Variants in TRAPPC9 observed in about 807,000 individuals in gnomAD.
TRAPPC9 encodes the protein trafficking protein particle complex subunit 9, also known as IKK2 binding protein.
TRAPPC9 carries 83 observed loss-of-function variants against 124.0 expected under a neutral mutation model. The observed-to-expected ratio is 0.67, with a 90% confidence interval of 0.56 to 0.80. The LOEUF (loss-of-function observed/expected upper bound fraction) is 0.80. Among genes scored for constraint, TRAPPC9 ranks in the 30% least tolerant of loss-of-function variants. The pLI is 0.00. For synonymous variants in TRAPPC9, 638 were observed against 617.5 expected, an observed-to-expected ratio of 1.03 and a Z score of -0.49; for missense variants, 1,302 against 1,508.3, an observed-to-expected ratio of 0.86 and a Z score of 2.27.
chr8:139,929,936 C>A (rs543143455), intron 19 of TRAPPC9, among the ~76,000 whole-genome samples: 9 of 152,366 alleles, frequency 5.9e-5, no homozygotes, highest in African/African-American at 1.9e-4. Context: ...ATGGAGCAAG[C>A]ACCACCTTGT....
intron 13 of TRAPPC9, among the ~76,000 whole-genome samples, chr8:140,285,086 G>A (rs1156455736): frequency 1.3e-5 from 2 of 152,130 alleles, no homozygotes; most frequent in African/African-American, 2.4e-5. Flanking sequence ...AAAAGTCTGA[G>A]GACAAATAGC....
At chr8:140,408,305 G>T (rs1391724342) in intron 5 of TRAPPC9, among the ~76,000 whole-genome samples, 1 of 152,040 alleles carries the variant, frequency 6.6e-6, no homozygotes, top group East Asian at 1.9e-4. Context: ...GTTGAAAAAG[G>T]CACCACCAAA....
intron 21 of TRAPPC9, among the ~76,000 whole-genome samples, chr8:139,824,214 G>T (rs527257915): frequency 2.0e-5 from 3 of 152,328 alleles, no homozygotes; most frequent in South Asian, 4.1e-4. Context: ...AGCCCTGAGC[G>T]GTGTGTGTAC....
At chr8:140,396,362 C>G (rs2069096976) in intron 7 of TRAPPC9, among the ~76,000 whole-genome samples, 1 of 151,932 alleles carries the variant, frequency 6.6e-6, no homozygotes, top group South Asian at 2.1e-4. Flanking sequence ...AGGATGGTCT[C>G]GATCTCCTGA....
rs745885239 is a variant in TRAPPC9 at position 140,151,162 on chromosome 8, G to C, written c.2556+70297C>G. On this transcript the variant is annotated intron_variant, in intron 17 of 22. Transcript: ENST00000438773. The stretch of plus-strand genomic sequence containing the variant: ...TCTGACACCCCTACTTCTCCTCAAG[G>C]GGGGCCAGGAGCACAACTCAGCGCT... Among the ~76,000 whole-genome samples, 6 of 152,118 alleles carry C rather than the reference G, an allele frequency of 3.9e-5. No homozygotes were observed. In the South Asian group the frequency reaches 8.3e-4, roughly 21 times the overall value.
intron 11 of TRAPPC9, among the ~76,000 whole-genome samples, chr8:140,291,761 G>A (rs2065667699): frequency 6.6e-6 from 1 of 152,262 alleles, no homozygotes; most frequent in African/African-American, 2.4e-5. Flanking sequence ...CTAATCAGGT[G>A]AGACCGCACA....
chr8:140,371,082 G>T lies in TRAPPC9; in HGVS notation c.1233C>A (p.Ala411=). The T allele has an allele frequency of 6.2e-7, 1 of 1,614,226 alleles. No individual in the cohort carries two copies. Among genetic ancestry groups the T allele is most frequent in the Non-Finnish European group, 8.5e-7 (1 of 1,180,050 alleles). Residue 411 remains alanine, a synonymous_variant, in exon 8 of 23, where the codon GCC becomes GCA. Transcript: ENST00000438773. ...TGCTTGGGGCCACGCACTGCATGGC[G>T]GCCACGCGCTTGAAGAACGCAGACT... ...HRKSAFFKRV[A]AMQCVAPSIA...
At chr8:139,975,752 C>G (rs946776732) in intron 19 of TRAPPC9, among the ~76,000 whole-genome samples, 1 of 152,080 alleles carries the variant, frequency 6.6e-6, no homozygotes, top group African/African-American at 2.4e-5. Flanking sequence ...CCCACTCAAG[C>G]TGCCCTGGCT....
intron 14 of TRAPPC9, among the ~76,000 whole-genome samples, chr8:140,279,792 C>G (rs2065249198): frequency 6.6e-6 from 1 of 152,234 alleles, no homozygotes; most frequent in Admixed American, 6.5e-5. Context: ...CAAAGAGAAG[C>G]AGCTAGAGGA....
intron 17 of TRAPPC9, among the ~76,000 whole-genome samples, chr8:140,153,483 A>G (rs1402445778): frequency 2.0e-5 from 3 of 152,052 alleles, no homozygotes; most frequent in African/African-American, 4.8e-5. Context: ...CTCTGTGCAC[A>G]TGTGTATCAT....
At chr8:140,196,484 CTA>C (rs1233253590) in intron 17 of TRAPPC9, among the ~76,000 whole-genome samples, 3 of 45,324 alleles carry the variant, frequency 6.6e-5, no homozygotes, top group Admixed American at 3.0e-4. Context: ...ACCTGTGACA[CTA>C]AAACACACTC....
intron 21 of TRAPPC9, among the ~76,000 whole-genome samples, chr8:139,738,292 G>A (rs1270656245): frequency 6.6e-6 from 1 of 152,230 alleles, no homozygotes; most frequent in Non-Finnish European, 1.5e-5. Context: ...TGAATCCCCA[G>A]GACTTCCTTC....
At chr8:139,945,262 C>T (rs1354979955) in intron 19 of TRAPPC9, among the ~76,000 whole-genome samples, 1 of 152,030 alleles carries the variant, frequency 6.6e-6, no homozygotes, top group Non-Finnish European at 1.5e-5. Context: ...CAAAAGGCAT[C>T]CTTTGCAAAT....
chr8:139,965,700 T>C (rs141698559), intron 19 of TRAPPC9, among the ~76,000 whole-genome samples: 74 of 59,726 alleles, frequency 1.2e-3, no homozygotes, highest in Admixed American at 4.9e-3. Context: ...TCCAGAGACA[T>C]ACCCTAGTGC....
intron 17 of TRAPPC9, among the ~76,000 whole-genome samples, chr8:140,219,650 C>T (rs1265186094): frequency 6.6e-6 from 1 of 152,206 alleles, no homozygotes; most frequent in Non-Finnish European, 1.5e-5. Flanking sequence ...CCCACCTCCT[C>T]GTGTGGCTTC....
intron 21 of TRAPPC9, among the ~76,000 whole-genome samples, chr8:139,751,532 T>C (rs140027412): frequency 0.015 from 2,219 of 152,266 alleles, 50 homozygotes; most frequent in African/African-American, 0.051. Flanking sequence ...TCTAAAGTCA[T>C]TGACCTCAGC....
intron 17 of TRAPPC9, among the ~76,000 whole-genome samples, chr8:140,169,449 A>G (rs1427888696): frequency 1.3e-5 from 2 of 152,184 alleles, no homozygotes; most frequent in African/African-American, 4.8e-5. Flanking sequence ...AAGAGGATGG[A>G]AAACAGGCAT....
chr8:140,242,812 G>T (rs1318832816), intron 16 of TRAPPC9, among the ~76,000 whole-genome samples: 2 of 152,244 alleles, frequency 1.3e-5, no homozygotes, highest in East Asian at 3.9e-4. Context: ...ACGGGCCAGG[G>T]GAGGGAAGCT....
chr8:140,039,074 G>A (rs1273465247), intron 17 of TRAPPC9, among the ~76,000 whole-genome samples: 1 of 152,166 alleles, frequency 6.6e-6, no homozygotes, highest in East Asian at 1.9e-4. Flanking sequence ...TTAAATCTGT[G>A]GTAACCAGTC....
Sources: gnomAD v4.1 joint callset for allele counts (sites outside exome capture counted in the v4.1 genomes callset) on GRCh38, gnomAD v4.1.1 for gene constraint, MANE v1.5 for transcripts, NCBI Gene and HGNC (gene_info 2026-07-23, HGNC 2026-07-21) for gene names.